The following LGALS16 variants were observed in gnomAD, a reference collection of about 807,000 sequenced individuals.
LGALS16 encodes the protein galectin 16.
In LGALS16, 15 loss-of-function variants were observed where a neutral mutation model predicts 13.2. The observed-to-expected ratio is 1.13, with a 90% CI of 0.76 to 1.75. LGALS16 has a LOEUF of 1.75. Ranked by LOEUF, LGALS16 falls within the 40% of genes most tolerant of loss-of-function variation. The pLI is 0.00. For missense variants in LGALS16, 198 were observed against 178.4 expected, an observed-to-expected ratio of 1.11 and a Z score of -0.63; for synonymous variants, 66 against 65.4, an observed-to-expected ratio of 1.01 and a Z score of -0.05.
intron 1 of LGALS16, 107 bp from the exon 2 acceptor site, chr19:39,657,776 C>A: frequency 1.6e-6 from 2 of 1,264,138 alleles, no homozygotes; most frequent in South Asian, 1.2e-5. Flanking sequence ...GGAGAGTCCA[C>A]AGAGCCTGCC....
intron 1 of LGALS16, among the ~76,000 whole-genome samples, chr19:39,657,495 C>T (rs932667054): frequency 3.3e-5 from 5 of 152,140 alleles, no homozygotes; most frequent in Admixed American, 1.3e-4. Context: ...TCACCCCTAA[C>T]AGGCCCTACA....
In LGALS16 at chr19:39,658,023, A is replaced by G; in HGVS notation, c.92+64A>G. ...AAGGAGAATATTTGCTAAGAGTTTG[A>G]CCTTATGTGTGGGTGATGTGGAAAT... On this transcript the variant is annotated intron_variant, in intron 2 of 3. Coordinates refer to ENST00000392051, the MANE Select transcript of LGALS16 (RefSeq NM_001190441.3). 1.9e-6 allele frequency: 3 copies of G among 1,582,326 alleles called. No individual in the cohort carries two copies. The South Asian group carries it at 3.3e-5, about 17-fold the overall frequency.
At chr19:39,656,065 A>T (rs1973191435) in intron 1 of LGALS16, 89 bp downstream of exon 1, 1 of 1,358,644 alleles carries the variant, frequency 7.4e-7, no homozygotes, top group Non-Finnish European at 1.0e-6. Flanking sequence ...AAATATGAGC[A>T]TTCCTACTGT....
Position 39,658,595 on chromosome 19 carries a change from G to T in LGALS16, c.228G>T (p.Glu76Asp). The stretch of plus-strand genomic sequence containing the variant: ...AGTTTGGGATATGGATGTTGGAGGA[G>T]AATTTACACTATGTGCCCTTTGAGG... ...SREFGIWMLE[E>D]NLHYVPFEDG... Residue 76 changes from glutamate (E) to aspartate (D), a missense_variant, in exon 3 of 4, where the codon GAG becomes GAT. Glu to Asp is a conservative substitution (Grantham distance 45). Coordinates refer to ENST00000392051, the MANE Select transcript of LGALS16 (RefSeq NM_001190441.3). 6.2e-7 allele frequency: 1 copy of T among 1,607,380 alleles called. No individual in the cohort carries two copies. Among genetic ancestry groups the T allele is most frequent in the South Asian group, 1.1e-5 (1 of 90,694 alleles).
rs766207176 is a variant in LGALS16 at position 39,657,924 on chromosome 19, C to T, written c.57C>T (p.Cys19=). ...KLPVSLSVGS[C]VIIKGTLIDS... ...CTGTGTCTTTGTCTGTTGGTTCCTGCGTGATAATCAAAGGGACACTGATCG... is the reference window on the plus strand; with the variant it reads ...CTGTGTCTTTGTCTGTTGGTTCCTGTGTGATAATCAAAGGGACACTGATCG... The change falls in exon 2 of 4, where the codon TGC becomes TGT. Residue 19 remains cysteine (C), a synonymous_variant. Coordinates refer to ENST00000392051, the MANE Select transcript of LGALS16 (RefSeq NM_001190441.3). 4.3e-5 allele frequency: 70 copies of T among 1,613,834 alleles called. No homozygotes were observed. The highest frequency in any genetic ancestry group is 3.3e-4 in the Middle Eastern group (2 of 6,082).
Position 39,660,384 on chromosome 19 carries a change from T to A in LGALS16, c.304-11T>A. ...GCATACTGTCTTTCTGATGCATTTT[T>A]CCTCTTAAAGGTAAAGGTAAATGGT... On this transcript the variant is annotated splice_polypyrimidine_tract_variant and intron_variant, in intron 3 of 3. Transcript: ENST00000392051. The A allele has an allele frequency of 6.5e-7, 1 of 1,540,658 alleles. No homozygotes were observed. Among genetic ancestry groups the A allele is most frequent in the South Asian group, 1.2e-5 (1 of 84,194 alleles).
At position 39,660,405 on chromosome 19, in the gene LGALS16, A is replaced by C. The variant is rs1973246725; in HGVS notation, c.314A>C (p.Asn105Thr). The change falls in exon 4 of 4, where the codon AAT (asparagine) becomes ACT (threonine). Residue 105 changes from asparagine (N) to threonine (T), a missense_variant. Physicochemically the swap from Asn to Thr is moderately conservative, Grantham distance 65. Coordinates refer to ENST00000392051, the MANE Select transcript of LGALS16 (RefSeq NM_001190441.3). ...VCHNEYEVKV[N>T]GEYIYAFVHR... ...TTTTTCCTCTTAAAGGTAAAGGTAA[A>C]TGGTGAATACATTTATGCCTTTGTC... 6.5e-7 allele frequency: 1 copy of C among 1,540,598 alleles called. No individual in the cohort carries two copies.
chr19:39,655,995 G>A lies in LGALS16; in HGVS notation c.15+19G>A. 6.2e-7 allele frequency: 1 copy of A among 1,612,684 alleles called. No individual in the cohort carries two copies. Among genetic ancestry groups the A allele is most frequent in the Non-Finnish European group, 8.5e-7 (1 of 1,179,296 alleles). ...TCTAACTGTGAGTTGAAAAGGCACA[G>A]CCTTCAATAATCTCAAGTCACACAA... On this transcript the variant is annotated intron_variant, in intron 1 of 3. Coordinates refer to ENST00000392051, the MANE Select transcript of LGALS16 (RefSeq NM_001190441.3).
intron 3 of LGALS16, 135 bp downstream of exon 3, chr19:39,658,805 G>C (rs1435817799): frequency 3.1e-6 from 2 of 640,516 alleles, no homozygotes; most frequent in Admixed American, 2.4e-5. Flanking sequence ...TTTCATCACA[G>C]AGCACCCTCT....
chr19:39,658,467 C>G lies in LGALS16; in HGVS notation c.100C>G (p.Pro34Ala). ...GTLIDSSINE[P>A]QLQVDFYTEM... The stretch of plus-strand genomic sequence containing the variant: ...TGTGTGCTTTGCCCTCAGCAACGAA[C>G]CACAGCTGCAGGTGGATTTCTACAC... The change falls in exon 3 of 4, where the codon CCA (proline) becomes GCA (alanine). Residue 34 changes from proline to alanine, a missense_variant. Physicochemically the swap from Pro to Ala is conservative, Grantham distance 27. Transcript: ENST00000392051. 2 of 1,598,092 alleles carry G rather than the reference C, an allele frequency of 1.3e-6. No individual in the cohort carries two copies. The highest frequency in any genetic ancestry group is 1.7e-6 in the Non-Finnish European group (2 of 1,174,956).
At chr19:39,656,417 G>C (rs970828302) in intron 1 of LGALS16, among the ~76,000 whole-genome samples, 2 of 152,132 alleles carry the variant, frequency 1.3e-5, no homozygotes, top group African/African-American at 2.4e-5. Flanking sequence ...GCATGGCTCT[G>C]TGTGACTGTG....
chr19:39,658,139 C>G (rs1403647157), intron 2 of LGALS16, among the ~76,000 whole-genome samples, 180 bp downstream of exon 2: 1 of 152,174 alleles, frequency 6.6e-6, no homozygotes, highest in Non-Finnish European at 1.5e-5. Flanking sequence ...TGCATGTGGG[C>G]CAGCCATGGG....
In LGALS16 at chr19:39,656,364, T is replaced by C. The variant is rs1321044334; in HGVS notation, c.15+388T>C. On this transcript the variant is annotated intron_variant, in intron 1 of 3. Coordinates refer to ENST00000392051, the MANE Select transcript of LGALS16 (RefSeq NM_001190441.3). Reference sequence around the variant, plus strand: ...GCACAGCCAGACCAGTGCATGGTCATCTTTATGTGCGCAGTGAGCAGGTGT... The same window carrying C: ...GCACAGCCAGACCAGTGCATGGTCACCTTTATGTGCGCAGTGAGCAGGTGT... Among the ~76,000 whole-genome samples, 3 of 152,130 alleles carry C rather than the reference T, an allele frequency of 2.0e-5. No homozygotes were observed. The South Asian group carries it at 6.2e-4, about 32-fold the overall frequency.
In LGALS16 at chr19:39,660,623, G is replaced by T; in HGVS notation, c.*103G>T. ...TCCTCAACCCCTTCCCCTACACTTG[G>T]TCATTAAAACAGCACCAAACCGTAC... is the stretch of plus-strand genomic sequence containing the variant. On this transcript the variant is annotated 3_prime_UTR_variant, in exon 4 of 4. Coordinates refer to ENST00000392051, the MANE Select transcript of LGALS16 (RefSeq NM_001190441.3). 2 of 1,018,414 alleles carry T rather than the reference G, an allele frequency of 2.0e-6. No homozygotes were observed. Among genetic ancestry groups the T allele is most frequent in the Non-Finnish European group, 2.9e-6 (2 of 697,160 alleles). 63.1% of individuals were successfully genotyped at this position (1,018,414 alleles called of 1,614,324 possible). A position where few individuals can be genotyped will look rare whatever the true frequency, so the allele number is the denominator to read the frequency against.
At chr19:39,659,122 C>G (rs1973232092) in intron 3 of LGALS16, among the ~76,000 whole-genome samples, 2 of 142,292 alleles carry the variant, frequency 1.4e-5, no homozygotes, top group East Asian at 4.1e-4. Flanking sequence ...TTTTTTGAGA[C>G]AGAGACTCAC....
In LGALS16 at chr19:39,660,625, C is replaced by A. The variant is rs1229653275; in HGVS notation, c.*105C>A. ...CTCAACCCCTTCCCCTACACTTGGT[C>A]ATTAAAACAGCACCAAACCGTACAT... On this transcript the variant is annotated 3_prime_UTR_variant, in exon 4 of 4. Coordinates refer to ENST00000392051, the MANE Select transcript of LGALS16 (RefSeq NM_001190441.3). 1.2e-5 allele frequency: 11 copies of A among 954,088 alleles called. No individual in the cohort carries two copies. In the East Asian group the frequency reaches 2.9e-4, roughly 25 times the overall value. The allele number at this position is 954,088 out of a possible 1,614,324, so 59.1% of individuals were successfully genotyped here. A position where few individuals can be genotyped will look rare whatever the true frequency, so the allele number is the denominator to read the frequency against.
chr19:39,658,701 G>A, intron 3 of LGALS16, 31 bp downstream of exon 3: 3 of 1,404,832 alleles, frequency 2.1e-6, no homozygotes, highest in Non-Finnish European at 2.9e-6. Flanking sequence ...CAGTACCCAG[G>A]CTCTTTGGGA....
intron 1 of LGALS16, among the ~76,000 whole-genome samples, chr19:39,656,984 T>TG (rs1568484018): frequency 4.0e-5 from 6 of 151,394 alleles, no homozygotes; most frequent in Non-Finnish European, 7.4e-5. Context: ...ACAAAGCAGC[T>TG]GGGTTCACTG....
At chr19:39,659,796 G>T (rs777984424) in intron 3 of LGALS16, among the ~76,000 whole-genome samples, 1 of 152,152 alleles carries the variant, frequency 6.6e-6, no homozygotes, top group Non-Finnish European at 1.5e-5. Flanking sequence ...TTTCTCTAAC[G>T]AGTAGGCCAA....
Sources: gnomAD v4.1 joint callset for allele counts (sites outside exome capture counted in the v4.1 genomes callset) on GRCh38, gnomAD v4.1.1 for gene constraint, MANE v1.5 for transcripts, NCBI Gene and HGNC (gene_info 2026-07-23, HGNC 2026-07-21) for gene names.